The following SKP1 variants were observed in gnomAD, a reference collection of about 807,000 sequenced individuals.
SKP1 encodes the protein S-phase kinase-associated protein 1.
A neutral mutation model predicts 21.5 loss-of-function variants in SKP1; 1 was observed. The observed-to-expected ratio is 0.05, with a 90% CI of 0.02 to 0.22. The LOEUF is 0.22. Among genes scored for constraint, SKP1 ranks in the 10% least tolerant of loss-of-function variants. The pLI is 1.00. For missense variants in SKP1, 70 were observed against 192.0 expected (o/e 0.36, Z 3.76); for synonymous variants, 59 against 59.3 (o/e 0.99, Z 0.03).
chr5:134,171,131 T>C (rs1488486279), intron 2 of SKP1: 1 of 407,788 alleles, frequency 2.5e-6, no homozygotes, highest in Non-Finnish European at 4.8e-6. Context: ...TTGGTACCAA[T>C]TACTAAAGAG....
At chr5:134,166,765 TAAGA>T (rs1761340569) in intron 3 of SKP1, among the ~76,000 whole-genome samples, 2 of 152,172 alleles carry the variant, frequency 1.3e-5, no homozygotes, top group Admixed American at 1.3e-4. Context: ...ATTATAAATC[TAAGA>T]AAGACAGTCA....
intron 3 of SKP1, among the ~76,000 whole-genome samples, 159 bp downstream of exon 3, chr5:134,167,011 T>C (rs1328028082): frequency 6.6e-6 from 1 of 152,204 alleles, no homozygotes; most frequent in Non-Finnish European, 1.5e-5. Context: ...TTTAAGAACA[T>C]ACAAACATCA....
rs951515326 is a variant in SKP1 at position 134,150,197 on chromosome 5, A to G, written c.*7536T>C. The stretch of plus-strand genomic sequence containing the variant: ...ACAAAGCCTATGTCTCCCAACGTGA[A>G]GGTGTCTACTTTAACAGAACCCCAT... On this transcript the variant is annotated 3_prime_UTR_variant, in exon 6 of 6. Transcript: ENST00000353411. The G allele has an allele frequency of 6.6e-6, 1 of 152,180 alleles. No individual in the cohort carries two copies. The highest frequency in any genetic ancestry group is 2.4e-5 in the African/African-American group (1 of 41,428). 9.4% of individuals were successfully genotyped at this position (152,180 alleles called of 1,614,324 possible). A position where few individuals can be genotyped will look rare whatever the true frequency, so the allele number is the denominator to read the frequency against.
intron 3 of SKP1, among the ~76,000 whole-genome samples, chr5:134,162,738 A>T (rs183081930): frequency 3.3e-5 from 5 of 152,166 alleles, no homozygotes. Context: ...TTCCAACTAT[A>T]TAAGAAAATT....
In SKP1 at chr5:134,151,035, A is replaced by G. The variant is rs532982748; in HGVS notation, c.*6698T>C. ...AACTTATGTCCTGGGGGTGGGAACT[A>G]TACTATCACAAGCAGTCCTCACAAG... On this transcript the variant is annotated 3_prime_UTR_variant, in exon 6 of 6. Coordinates refer to ENST00000353411, the MANE Select transcript of SKP1 (RefSeq NM_170679.3). The G allele has an allele frequency of 1.3e-5, 2 of 152,382 alleles. No homozygotes were observed. The highest frequency in any genetic ancestry group is 1.3e-4 in the Admixed American group (2 of 15,306). The allele number at this position is 152,382 out of a possible 1,614,324, so 9.4% of individuals were successfully genotyped here. A position where few individuals can be genotyped will look rare whatever the true frequency, so the allele number is the denominator to read the frequency against.
rs373322832 is a variant in SKP1, at chr5:134,170,584, C to CA, written c.97+3341dup. On this transcript the variant is annotated intron_variant, in intron 2 of 5. Coordinates refer to ENST00000353411, the MANE Select transcript of SKP1 (RefSeq NM_170679.3). ...AACCAGAGATACTGCAGGTGGAAAACAAAAAAAGCAGAAAGTTGCCAAATT... is the reference window on the plus strand; with the variant it reads ...AACCAGAGATACTGCAGGTGGAAAACAAAAAAAAGCAGAAAGTTGCCAAATT... 3.4e-3 allele frequency among the ~76,000 whole-genome samples: 511 copies of CA among 152,106 alleles called. 1 individual carries two copies. Among genetic ancestry groups the CA allele is most frequent in the African/African-American group, 0.011 (467 of 41,526 alleles).
rs1474782329 is a variant in SKP1 at position 134,151,721 on chromosome 5, T to G, written c.*6012A>C. The G allele has an allele frequency of 4.4e-6, 2 of 456,034 alleles. No homozygotes were observed. The highest frequency in any genetic ancestry group is 4.7e-5 in the Admixed American group (2 of 42,558). The allele number at this position is 456,034 out of a possible 1,614,324, so 28.2% of individuals were successfully genotyped here. ...ACAGATGTGGAAGCAGACACTGTTA[T>G]GAGCAACTACATTCCTCCCATAGAA... On this transcript the variant is annotated 3_prime_UTR_variant, in exon 6 of 6. Coordinates refer to ENST00000353411, the MANE Select transcript of SKP1 (RefSeq NM_170679.3).
At chr5:134,166,408 C>T (rs1761331819) in intron 3 of SKP1, among the ~76,000 whole-genome samples, 1 of 151,262 alleles carries the variant, frequency 6.6e-6, no homozygotes, top group African/African-American at 2.4e-5. Flanking sequence ...TGGTGAAACC[C>T]TGTCTCTACT....
chr5:134,158,138 C>T (rs941139063), intron 5 of SKP1: 3 of 1,372,738 alleles, frequency 2.2e-6, no homozygotes, highest in African/African-American at 1.5e-5. Context: ...ATACTTCTCT[C>T]TAGGGCCTGC....
At chr5:134,172,441 C>T (rs9327681) in intron 2 of SKP1, among the ~76,000 whole-genome samples, 7,237 of 152,160 alleles carry the variant, frequency 0.048, 491 homozygotes, top group African/African-American at 0.15. Context: ...CCACTGGTAA[C>T]ACTAAAAAGA....
chr5:134,176,081 T>C (rs1761538301), intron 1 of SKP1, among the ~76,000 whole-genome samples: 1 of 152,150 alleles, frequency 6.6e-6, no homozygotes, highest in African/African-American at 2.4e-5. Flanking sequence ...AACCCAAACG[T>C]GAAGTTTCCA....
At chr5:134,162,074 AAG>A (rs1761230756) in intron 3 of SKP1, among the ~76,000 whole-genome samples, 1 of 152,056 alleles carries the variant, frequency 6.6e-6, no homozygotes, top group Non-Finnish European at 1.5e-5. Flanking sequence ...AAAAAAAAGA[AAG>A]AACAATTTCA....
At chr5:134,165,689 A>C (rs1448873591) in intron 3 of SKP1, among the ~76,000 whole-genome samples, 1 of 151,076 alleles carries the variant, frequency 6.6e-6, no homozygotes, top group Non-Finnish European at 1.5e-5. Context: ...ATTCAAGACC[A>C]GCCTGACCAA....
intron 2 of SKP1, among the ~76,000 whole-genome samples, chr5:134,170,306 C>G (rs150869402): frequency 6.6e-6 from 1 of 152,344 alleles, no homozygotes; most frequent in East Asian, 1.9e-4. Context: ...AAGTAATCCT[C>G]TTTAAATCCT....
chr5:134,163,233 A>C (rs1371509661), intron 3 of SKP1, among the ~76,000 whole-genome samples: 1 of 117,750 alleles, frequency 8.5e-6, no homozygotes, highest in Non-Finnish European at 2.1e-5. Context: ...AAAAAAAATC[A>C]CTATCACTAC....
At chr5:134,176,499 C>G (rs977625452) in intron 1 of SKP1, 9 of 152,464 alleles carry the variant, frequency 5.9e-5, no homozygotes, top group Non-Finnish European at 1.3e-4. Context: ...GTCCCCGGGA[C>G]AGCAGGCTTA....
chr5:134,158,795 C>A (rs374894041), intron 4 of SKP1, among the ~76,000 whole-genome samples, 200 bp from the exon 5 acceptor site: 1 of 152,276 alleles, frequency 6.6e-6, no homozygotes, highest in African/African-American at 2.4e-5. Flanking sequence ...AATGTTGAAT[C>A]CTTCTGCTTC....
intron 1 of SKP1, among the ~76,000 whole-genome samples, chr5:134,175,898 T>C (rs1558610): frequency 0.049 from 7,403 of 151,750 alleles, 608 homozygotes; most frequent in African/African-American, 0.17. Context: ...TAATTCTCCA[T>C]GGCCAGCATA....
Position 134,149,248 on chromosome 5 carries a change from G to A in SKP1, c.*8485C>T, listed in dbSNP as rs1760999593. 1 of 152,160 alleles carries A rather than the reference G, an allele frequency of 6.6e-6. No individual in the cohort carries two copies. The highest frequency in any genetic ancestry group is 6.5e-5 in the Admixed American group (1 of 15,274). 9.4% of individuals were successfully genotyped at this position (152,160 alleles called of 1,614,324 possible). On this transcript the variant is annotated 3_prime_UTR_variant, in exon 6 of 6. Transcript: ENST00000353411. Reference sequence around the variant, plus strand: ...ATCCCCCTTTCATCTCCCACCTTTTGAAGTCTCCAATGTCTATTATTCCAT... The same window carrying A: ...ATCCCCCTTTCATCTCCCACCTTTTAAAGTCTCCAATGTCTATTATTCCAT...
Sources: allele counts gnomAD v4.1 joint callset (sites outside exome capture counted in the v4.1 genomes callset), GRCh38; gene constraint gnomAD v4.1.1; transcripts MANE v1.5; gene names NCBI Gene and HGNC (gene_info 2026-07-23, HGNC 2026-07-21).